Variants in GAB2 observed in about 807,000 individuals in gnomAD.
GAB2 encodes the protein GRB2-associated-binding protein 2.
A neutral mutation model predicts 65.5 loss-of-function variants in GAB2; 26 were observed. The observed-to-expected ratio is 0.40, with a 90% CI of 0.29 to 0.55. The LOEUF is 0.55. Ranked by LOEUF, GAB2 falls within the 20% of genes least tolerant of loss-of-function variation. The pLI, the probability that GAB2 is intolerant of heterozygous loss-of-function variation, is 0.53. For synonymous variants in GAB2, 321 were observed against 329.6 expected (o/e 0.97, Z 0.28); for missense variants, 884 against 875.8 (o/e 1.01, Z -0.12).
chr11:78,280,380 A>G (rs566930252), intron 2 of GAB2: 2 of 577,608 alleles, frequency 3.5e-6, no homozygotes, highest in Non-Finnish European at 6.2e-6. Context: ...AAATACCTTT[A>G]GCTTTATCAC....
chr11:78,345,675 C>A (rs1856168719), intron 1 of GAB2, among the ~76,000 whole-genome samples: 1 of 152,090 alleles, frequency 6.6e-6, no homozygotes, highest in African/African-American at 2.4e-5. Context: ...AAAGAATGTA[C>A]CAGTTTGAAA....
chr11:78,226,567 G>C lies in GAB2; in HGVS notation c.1105C>G (p.Pro369Ala). The C allele has an allele frequency of 7.0e-7, 1 of 1,420,876 alleles. No homozygotes were observed. The highest frequency in any genetic ancestry group is 1.1e-5 in the South Asian group (1 of 88,284). 88.0% of individuals were successfully genotyped at this position (1,420,876 alleles called of 1,614,324 possible). Residue 369 changes from proline (P) to alanine (A), a missense_variant, in exon 4 of 10, where the codon CCT becomes GCT. Physicochemically the swap from Pro to Ala is conservative, Grantham distance 27 (BLOSUM62 -1). Transcript: ENST00000361507. ...SQAETPRWGS[P>A]QQRPPISENS... ...TCACTGATTGGCGGTCTCTGCTGAG[G>C]ACTGCCCCATCGAGGTGTTTCTGCC...
chr11:78,400,791 C>G (rs753547167), intron 1 of GAB2, among the ~76,000 whole-genome samples: 2 of 145,950 alleles, frequency 1.4e-5, no homozygotes, highest in African/African-American at 2.5e-5. Context: ...GTAATCCCAG[C>G]TTCTCTGGAG....
At chr11:78,234,576 TTA>T (rs1039731218) in intron 3 of GAB2, among the ~76,000 whole-genome samples, 6 of 148,048 alleles carry the variant, frequency 4.1e-5, no homozygotes, top group Non-Finnish European at 6.0e-5. Context: ...CTTTTAATAA[TTA>T]TATATATTTA....
chr11:78,248,096 A>T (rs774670055), intron 3 of GAB2, among the ~76,000 whole-genome samples: 1 of 152,228 alleles, frequency 6.6e-6, no homozygotes, highest in Non-Finnish European at 1.5e-5. Flanking sequence ...ATAGTAATGT[A>T]TTAATATAAA....
chr11:78,283,311 A>G (rs1866380017), intron 1 of GAB2, among the ~76,000 whole-genome samples: 1 of 152,164 alleles, frequency 6.6e-6, no homozygotes, highest in South Asian at 2.1e-4. Context: ...ATGAAGGCCA[A>G]CCTTTTTCCA....
At chr11:78,287,075 T>A (rs1866504228) in intron 1 of GAB2, among the ~76,000 whole-genome samples, 1 of 152,232 alleles carries the variant, frequency 6.6e-6, no homozygotes, top group African/African-American at 2.4e-5. Flanking sequence ...GAGGTAAGGC[T>A]GATTCCATAT....
In GAB2 at chr11:78,280,699, C is replaced by T. The variant is rs114762524; in HGVS notation, c.278G>A (p.Arg93His). The change falls in exon 2 of 10, where the codon CGC (arginine) becomes CAC (histidine). Residue 93 changes from arginine (R) to histidine (H), a missense_variant. By Grantham distance (29) the Arg-to-His change is conservative. Transcript: ENST00000361507. ...SFVFDIKTSE[R>H]TFYLVAETEE... The stretch of plus-strand genomic sequence containing the variant: ...TGTCTCAGCCACCAGGTAAAAGGTG[C>T]GTTCACTGGTCTTGATGTCAAACAC... 4.3e-6 allele frequency: 7 copies of T among 1,613,806 alleles called. No homozygotes were observed. The highest frequency in any genetic ancestry group is 5.1e-6 in the Non-Finnish European group (6 of 1,179,690).
chr11:78,294,307 G>A (rs537382395), intron 1 of GAB2, among the ~76,000 whole-genome samples: 3 of 152,122 alleles, frequency 2.0e-5, no homozygotes, highest in Non-Finnish European at 4.4e-5. Flanking sequence ...TCTTAATCCA[G>A]TCTATCGTTG....
intron 1 of GAB2, among the ~76,000 whole-genome samples, chr11:78,377,515 T>A (rs910564269): frequency 1.3e-5 from 2 of 152,122 alleles, no homozygotes; most frequent in Non-Finnish European, 2.9e-5. Flanking sequence ...ACACAAACAT[T>A]GAGTCGGTAG....
chr11:78,251,762 G>A (rs2511164), intron 2 of GAB2, among the ~76,000 whole-genome samples: 151,204 of 152,360 alleles, frequency 0.99, 75,046 homozygotes, highest in Middle Eastern at 1. Context: ...CTGTGTGCCA[G>A]CAGCACTTGG....
rs145840199 is a variant in GAB2 at position 78,221,782 on chromosome 11, G to A, written c.1659-3C>T. 3.3e-5 allele frequency: 53 copies of A among 1,605,426 alleles called. No individual in the cohort carries two copies. The East Asian group carries it at 4.5e-4, about 14-fold the overall frequency. ...AGGAGCTGGAGTTGAAGGTGTGGCTGTTGTGGGAAGGAAGAGTTAACACTG... is the reference window on the plus strand; with the variant it reads ...AGGAGCTGGAGTTGAAGGTGTGGCTATTGTGGGAAGGAAGAGTTAACACTG... On this transcript the variant is annotated splice_polypyrimidine_tract_variant and splice_region_variant and intron_variant, in intron 7 of 9. Transcript: ENST00000361507.
rs114867320 is a variant in GAB2 at position 78,305,879 on chromosome 11, C to T, written c.76-24978G>A. On this transcript the variant is annotated intron_variant, in intron 1 of 9. Coordinates refer to ENST00000361507, the MANE Select transcript of GAB2 (RefSeq NM_080491.3). ...AGCTATGGCTTCCTAGAGGAAAAGG[C>T]AAGCATTGCCCATGCTCAACCCTAG... is the stretch of plus-strand genomic sequence containing the variant. Among the ~76,000 whole-genome samples, 227 of 152,274 alleles carry T rather than the reference C, an allele frequency of 1.5e-3. 3 individuals are homozygous for T. The highest frequency in any genetic ancestry group is 6.8e-3 in the Middle Eastern group (2 of 294).
intron 2 of GAB2, among the ~76,000 whole-genome samples, chr11:78,265,457 T>C (rs1470908703): frequency 6.6e-6 from 1 of 152,178 alleles, no homozygotes; most frequent in African/African-American, 2.4e-5. Context: ...TCTAGAAGTT[T>C]CTCATTCTAT....
chr11:78,391,056 T>A (rs558903965), intron 1 of GAB2, among the ~76,000 whole-genome samples: 1 of 152,288 alleles, frequency 6.6e-6, no homozygotes, highest in South Asian at 2.1e-4. Flanking sequence ...GGAGACTTTA[T>A]CCTGAAAAAT....
intron 2 of GAB2, among the ~76,000 whole-genome samples, chr11:78,257,565 C>A (rs931337544): frequency 1.3e-5 from 2 of 152,182 alleles, no homozygotes; most frequent in African/African-American, 4.8e-5. Flanking sequence ...GCTCCTATTC[C>A]TGGAGTACAC....
intron 1 of GAB2, among the ~76,000 whole-genome samples, chr11:78,298,320 T>G (rs1866897546): frequency 6.6e-6 from 1 of 152,180 alleles, no homozygotes; most frequent in Non-Finnish European, 1.5e-5. Context: ...ATTTCCAGCT[T>G]GAGCAAGTGG....
intron 1 of GAB2, among the ~76,000 whole-genome samples, chr11:78,362,795 T>C (rs1265017327): frequency 6.6e-6 from 1 of 152,010 alleles, no homozygotes; most frequent in African/African-American, 2.4e-5. Context: ...ATAAAGCATA[T>C]ACATTACTCA....
intron 1 of GAB2, among the ~76,000 whole-genome samples, chr11:78,301,886 C>A (rs1327705496): frequency 6.6e-6 from 1 of 151,990 alleles, no homozygotes; most frequent in African/African-American, 2.4e-5. Flanking sequence ...AAAATAAACC[C>A]AAATATTTAA....
Sources: gnomAD v4.1 joint callset for allele counts (sites outside exome capture counted in the v4.1 genomes callset) on GRCh38, gnomAD v4.1.1 for gene constraint, MANE v1.5 for transcripts, NCBI Gene and HGNC (gene_info 2026-07-23, HGNC 2026-07-21) for gene names.